The following COBL variants were observed in gnomAD, a reference collection of about 807,000 sequenced individuals.
COBL encodes cordon-bleu WH2 repeat protein.
In COBL, 51 loss-of-function variants were observed where a neutral mutation model predicts 98.8. That is an observed-to-expected ratio of 0.52 (90% CI 0.41 to 0.65). The LOEUF (loss-of-function observed/expected upper bound fraction) is 0.65, where lower values mean the gene tolerates loss of function less well. COBL is among the 30% of genes least tolerant of loss of function. The probability of loss-of-function intolerance (pLI) is 0.00; values close to 1 mark genes in which losing one functional copy is unlikely to be tolerated. For missense variants in COBL, 1,617 were observed against 1,617.5 expected (o/e 1.00, Z 0.01); for synonymous variants, 634 against 651.7 (o/e 0.97, Z 0.41).
At chr7:51,286,639 G>C (rs1800396240) in intron 1 of COBL, among the ~76,000 whole-genome samples, 1 of 152,116 alleles carries the variant, frequency 6.6e-6, no homozygotes, top group Non-Finnish European at 1.5e-5. Context: ...TAGAGAAAGG[G>C]GAATACATAC....
intron 1 of COBL, among the ~76,000 whole-genome samples, chr7:51,246,041 A>G (rs980512995): frequency 3.3e-5 from 5 of 152,220 alleles, no homozygotes; most frequent in Admixed American, 2.0e-4. Flanking sequence ...TGTGGTATGT[A>G]TGTGTCATTT....
intron 6 of COBL, among the ~76,000 whole-genome samples, chr7:51,099,000 T>C (rs1389591730): frequency 1.3e-5 from 2 of 151,026 alleles, no homozygotes; most frequent in African/African-American, 2.4e-5. Flanking sequence ...ACAAAGCATA[T>C]GAAAAGATGC....
intron 7 of COBL, among the ~76,000 whole-genome samples, chr7:51,076,193 ACTGTGTTTGTGT>A (rs1793056923): frequency 6.6e-6 from 1 of 152,250 alleles, no homozygotes; most frequent in South Asian, 2.1e-4. Context: ...GACTCACAGA[ACTGTGTTTGTGT>A]CACAAGCTTT....
intron 2 of COBL, among the ~76,000 whole-genome samples, chr7:51,208,946 G>A (rs1449256311): frequency 6.7e-6 from 1 of 148,820 alleles, no homozygotes; most frequent in Non-Finnish European, 1.5e-5. Context: ...AGGAAAACCA[G>A]AGACCTTTGT....
At chr7:51,247,970 C>G (rs576370295) in intron 1 of COBL, among the ~76,000 whole-genome samples, 1 of 152,194 alleles carries the variant, frequency 6.6e-6, no homozygotes, top group South Asian at 2.1e-4. Flanking sequence ...AAACCCCCGT[C>G]TCTACTAAAC....
At chr7:51,315,342 C>G (rs1803440166) in intron 1 of COBL, among the ~76,000 whole-genome samples, 1 of 152,102 alleles carries the variant, frequency 6.6e-6, no homozygotes, top group South Asian at 2.1e-4. Flanking sequence ...TAACCTGGCT[C>G]ACCTTTTCCT....
At position 51,132,038 on chromosome 7, in the gene COBL, T is replaced by C. The variant is rs1033419803; in HGVS notation, c.957+4120A>G. Among the ~76,000 whole-genome samples, 5 of 152,250 alleles carry C rather than the reference T, an allele frequency of 3.3e-5. 1 individual carries two copies. The highest frequency in any genetic ancestry group is 1.5e-5 in the Non-Finnish European group (1 of 68,048). On this transcript the variant is annotated intron_variant, in intron 6 of 12. Transcript: ENST00000265136. ...ATACCACCAACAGAGGAGAGGATGC[T>C]GGTATTGTTTAACAGAATGAACCTG...
In COBL at chr7:51,152,028, AAAC is replaced by A. The variant is rs370197535; in HGVS notation, c.784-15700_784-15698del. Among the ~76,000 whole-genome samples, 17 of 152,374 alleles carry A rather than the reference AAAC, an allele frequency of 1.1e-4. 1 individual carries two copies. The East Asian group carries it at 1.9e-3, about 17-fold the overall frequency. On this transcript the variant is annotated intron_variant, in intron 5 of 12. Transcript: ENST00000265136. ...CTCACAAATCATATGATCTCAGGAC[AAAC>A]TCTGCTCTTATTCAAAAAGTCACAC... is the stretch of plus-strand genomic sequence containing the variant.
chr7:51,155,183 C>A (rs1251649152), intron 5 of COBL, among the ~76,000 whole-genome samples: 1 of 152,136 alleles, frequency 6.6e-6, no homozygotes, highest in East Asian at 1.9e-4. Flanking sequence ...TTGGACACAG[C>A]CAAACCAATT....
chr7:51,209,057 A>AC (rs1257843729), intron 2 of COBL, among the ~76,000 whole-genome samples: 12 of 119,980 alleles, frequency 1.0e-4, no homozygotes, highest in African/African-American at 3.1e-4. Context: ...AAAAAAAAAA[A>AC]AAAAAAAAAA....
chr7:51,086,776 C>T (rs1390336519), intron 6 of COBL, among the ~76,000 whole-genome samples: 1 of 152,108 alleles, frequency 6.6e-6, no homozygotes, highest in South Asian at 2.1e-4. Context: ...TAACAATTGG[C>T]ATGTTTTTCT....
rs76922072 is a variant in COBL, at chr7:51,051,629, T to C, written c.1097-7937A>G. Among the ~76,000 whole-genome samples the C allele has an allele frequency of 5.9e-3, 897 of 152,332 alleles. 13 individuals carry two copies. The highest frequency in any genetic ancestry group is 0.021 in the African/African-American group (854 of 41,570). On this transcript the variant is annotated intron_variant, in intron 7 of 12. Transcript: ENST00000265136. ...TGTGTTTAAATGGGGGTATCAGCGA[T>C]GGTACGGAGTGAATTTCTTTGCCGC...
intron 7 of COBL, among the ~76,000 whole-genome samples, chr7:51,074,044 A>G (rs886586144): frequency 3.3e-5 from 5 of 152,098 alleles, no homozygotes; most frequent in African/African-American, 9.7e-5. Context: ...GCCTTGGGGG[A>G]AAGGGATTAA....
At chr7:51,176,891 C>T (rs1045070406) in intron 5 of COBL, among the ~76,000 whole-genome samples, 1 of 152,144 alleles carries the variant, frequency 6.6e-6, no homozygotes, top group Admixed American at 6.5e-5. Flanking sequence ...TAAATCAGTT[C>T]TCATAAATTT....
At chr7:51,108,879 A>C (rs905574890) in intron 6 of COBL, among the ~76,000 whole-genome samples, 1 of 148,346 alleles carries the variant, frequency 6.7e-6, no homozygotes, top group Non-Finnish European at 1.5e-5. Flanking sequence ...TTCTCCCATC[A>C]TGGAGCCGTC....
intron 7 of COBL, among the ~76,000 whole-genome samples, chr7:51,047,555 A>T (rs1462428945): frequency 6.6e-6 from 1 of 152,194 alleles, no homozygotes; most frequent in African/African-American, 2.4e-5. Context: ...TTATTGTTTT[A>T]TTAAACGCAA....
chr7:51,231,071 C>T (rs1433579630), intron 1 of COBL, among the ~76,000 whole-genome samples: 1 of 152,214 alleles, frequency 6.6e-6, no homozygotes, highest in African/African-American at 2.4e-5. Flanking sequence ...AGTGAACTAA[C>T]ACAATGTATT....
chr7:51,305,544 G>C (rs1405343848), intron 1 of COBL, among the ~76,000 whole-genome samples: 1 of 136,620 alleles, frequency 7.3e-6, no homozygotes, highest in African/African-American at 2.7e-5. Context: ...CTAACAGAAG[G>C]AGGATTCTGC....
intron 1 of COBL, among the ~76,000 whole-genome samples, chr7:51,264,447 G>T (rs1256309458): frequency 2.0e-5 from 3 of 152,032 alleles, no homozygotes; most frequent in Non-Finnish European, 4.4e-5. Context: ...AACACGGGTG[G>T]ATCACCTGAG....
Sources: gnomAD v4.1 joint callset for allele counts (sites outside exome capture counted in the v4.1 genomes callset) on GRCh38, gnomAD v4.1.1 for gene constraint, MANE v1.5 for transcripts, NCBI Gene and HGNC (gene_info 2026-07-23, HGNC 2026-07-21) for gene names.